Variants in MALRD1 observed in about 807,000 individuals in gnomAD.
The protein encoded by MALRD1 is MAM and LDL receptor class A domain containing 1.
In MALRD1, 247 loss-of-function variants were observed where a neutral mutation model predicts 242.1. The ratio of observed to expected loss-of-function variants is 1.02; its 90% CI spans 0.92 to 1.13. The LOEUF (loss-of-function observed/expected upper bound fraction) is 1.13. MALRD1 is among the 50% of genes most tolerant of loss of function. MALRD1 has a pLI of 0.00. For synonymous variants in MALRD1, 995 were observed against 866.6 expected (o/e 1.15, Z -2.60); for missense variants, 2,989 against 2,533.1 (o/e 1.18, Z -3.86).
rs77789434 is a variant in MALRD1, at chr10:19,438,777, T to C, written c.4846-11530T>C. On this transcript the variant is annotated intron_variant, in intron 28 of 39. Transcript: ENST00000454679. Reference sequence around the variant, plus strand: ...TGGGTTCTCTTGAGTGGTGAGTGACTTTTTTTCTTGTGCCCACCAGACCCC... The same window carrying C: ...TGGGTTCTCTTGAGTGGTGAGTGACCTTTTTTCTTGTGCCCACCAGACCCC... 2.0e-5 allele frequency among the ~76,000 whole-genome samples: 3 copies of C among 152,056 alleles called. No homozygotes were observed. The East Asian group carries it at 5.8e-4, about 29-fold the overall frequency.
chr10:19,710,145 C>T (rs1414848694), intron 38 of MALRD1, among the ~76,000 whole-genome samples: 1 of 152,116 alleles, frequency 6.6e-6, no homozygotes, highest in South Asian at 2.1e-4. Flanking sequence ...GGACTGTGCT[C>T]AGTCATTCCA....
At chr10:19,598,076 G>A (rs1312399393) in intron 34 of MALRD1, among the ~76,000 whole-genome samples, 1 of 152,110 alleles carries the variant, frequency 6.6e-6, no homozygotes, top group Admixed American at 6.6e-5. Context: ...CTATATAACG[G>A]TACTTAACTT....
chr10:19,195,842 C>A (rs1217084652), intron 14 of MALRD1, among the ~76,000 whole-genome samples: 1 of 152,012 alleles, frequency 6.6e-6, no homozygotes, highest in Non-Finnish European at 1.5e-5. Context: ...TCGGTGCTAC[C>A]CAGCAAGCAC....
intron 32 of MALRD1, among the ~76,000 whole-genome samples, chr10:19,531,703 A>T (rs1474932885): frequency 6.6e-6 from 1 of 152,208 alleles, no homozygotes; most frequent in Non-Finnish European, 1.5e-5. Context: ...GGTGAGGAAG[A>T]TAATTTTCTA....
At chr10:19,444,387 C>T (rs1009649089) in intron 28 of MALRD1, among the ~76,000 whole-genome samples, 14 of 152,146 alleles carry the variant, frequency 9.2e-5, no homozygotes, top group South Asian at 2.1e-4. Flanking sequence ...TTAGTTGATG[C>T]AGTTTCTTCC....
intron 21 of MALRD1, among the ~76,000 whole-genome samples, chr10:19,302,218 A>C (rs555080297): frequency 6.6e-6 from 1 of 151,844 alleles, no homozygotes; most frequent in Non-Finnish European, 1.5e-5. Flanking sequence ...TTTCTTAAAA[A>C]GTCAAACAGA....
chr10:19,138,440 G>GTTTT (rs1462452348), intron 10 of MALRD1, among the ~76,000 whole-genome samples: 1 of 141,634 alleles, frequency 7.1e-6, no homozygotes. Context: ...TTTTTTTTGG[G>GTTTT]GACAGAGTCT....
intron 11 of MALRD1, among the ~76,000 whole-genome samples, chr10:19,148,788 A>AAAAAAAATATATAT (rs1206724666): frequency 1.1e-5 from 1 of 88,016 alleles, no homozygotes; most frequent in Non-Finnish European, 2.5e-5. Context: ...AAAAAAAAAA[A>AAAAAAAATATATAT]ATATATATAT....
At chr10:19,162,575 A>T (rs1398064133) in intron 12 of MALRD1, among the ~76,000 whole-genome samples, 1 of 152,212 alleles carries the variant, frequency 6.6e-6, no homozygotes, top group Non-Finnish European at 1.5e-5. Flanking sequence ...ATAACTTAAA[A>T]TTGATCATTA....
intron 29 of MALRD1, among the ~76,000 whole-genome samples, chr10:19,485,834 G>A (rs940347711): frequency 5.3e-5 from 8 of 151,848 alleles, no homozygotes; most frequent in Non-Finnish European, 4.4e-5. Flanking sequence ...GCTAAACATA[G>A]TTTTGTTTAA....
chr10:19,252,586 A>G (rs1839341547), intron 18 of MALRD1, among the ~76,000 whole-genome samples: 1 of 152,036 alleles, frequency 6.6e-6, no homozygotes, highest in African/African-American at 2.4e-5. Context: ...TTTTTTTGTC[A>G]GTAATCATCT....
intron 36 of MALRD1, among the ~76,000 whole-genome samples, chr10:19,650,751 C>T (rs1193288689): frequency 2.0e-5 from 3 of 152,146 alleles, no homozygotes; most frequent in African/African-American, 4.8e-5. Flanking sequence ...CATTTTAATA[C>T]GTCTTAACAT....
rs529479989 is a variant in MALRD1 at position 19,307,252 on chromosome 10, G to A, written c.3420-16697G>A. Among the ~76,000 whole-genome samples the A allele has an allele frequency of 2.0e-5, 3 of 151,474 alleles. No homozygotes were observed. The East Asian group carries it at 5.9e-4, about 30-fold the overall frequency. ...TCAAACTCTCTCACCTGAACCGAAGGATTTTCATCTGTATTCCATTAATTT... is the reference window on the plus strand; with the variant it reads ...TCAAACTCTCTCACCTGAACCGAAGAATTTTCATCTGTATTCCATTAATTT... On this transcript the variant is annotated intron_variant, in intron 21 of 39. Coordinates refer to ENST00000454679, the MANE Select transcript of MALRD1 (RefSeq NM_001142308.3).
intron 28 of MALRD1, among the ~76,000 whole-genome samples, chr10:19,409,912 A>G (rs1400329551): frequency 6.6e-6 from 1 of 152,178 alleles, no homozygotes; most frequent in African/African-American, 2.4e-5. Context: ...TAGTTGAAAA[A>G]TAATATGCAT....
chr10:19,389,703 A>G lies in MALRD1; in HGVS notation c.4845+94A>G, dbSNP rs181536964. On this transcript the variant is annotated intron_variant, in intron 28 of 39. Coordinates refer to ENST00000454679, the MANE Select transcript of MALRD1 (RefSeq NM_001142308.3). ...CACTCAGGCTGCAGTGCAGTGGTGC[A>G]GTCATGGCTTACTGCAGCCTCCAAC... is the stretch of plus-strand genomic sequence containing the variant. 4,850 of 1,330,392 alleles carry G rather than the reference A, an allele frequency of 3.6e-3. 14 individuals are homozygous for G. Among genetic ancestry groups the G allele is most frequent in the Non-Finnish European group, 4.6e-3 (4,515 of 990,924 alleles). 82.4% of individuals were successfully genotyped at this position (1,330,392 alleles called of 1,614,324 possible). A position where few individuals can be genotyped will look rare whatever the true frequency, so the allele number is the denominator to read the frequency against.
At chr10:19,349,168 C>T (rs1844259073) in intron 25 of MALRD1, among the ~76,000 whole-genome samples, 1 of 152,118 alleles carries the variant, frequency 6.6e-6, no homozygotes, top group African/African-American at 2.4e-5. Flanking sequence ...ACTATGTTGC[C>T]CAGGCTGGTC....
intron 21 of MALRD1, among the ~76,000 whole-genome samples, chr10:19,313,705 A>C (rs551364608): frequency 8.6e-5 from 13 of 151,730 alleles, no homozygotes; most frequent in South Asian, 2.1e-4. Flanking sequence ...ATTTGAAATT[A>C]GGTCTTAAAT....
chr10:19,136,138 G>C (rs968087245), intron 9 of MALRD1, among the ~76,000 whole-genome samples: 1 of 152,132 alleles, frequency 6.6e-6, no homozygotes. Context: ...AAATAAGTCA[G>C]ATGCAGTTAC....
At position 19,124,564 on chromosome 10, in the gene MALRD1, G is replaced by C; in HGVS notation, c.837G>C (p.Trp279Cys). Reference sequence around the variant, plus strand: ...GGTTTGAATTTGACATGTGTGAGTGGACGTCAGAAGCATCTGCTGGCCAAA... The same window carrying C: ...GGTTTGAATTTGACATGTGTGAGTGCACGTCAGAAGCATCTGCTGGCCAAA... The part of the protein sequence containing the change: ...ACGFEFDMCE[W>C]TSEASAGQIS... Residue 279 changes from tryptophan (W) to cysteine (C), a missense_variant, in exon 7 of 40, where the codon TGG (tryptophan) becomes TGC (cysteine). Trp to Cys is a radical substitution (Grantham distance 215). Transcript: ENST00000454679. The C allele has an allele frequency of 2.4e-6, 3 of 1,233,798 alleles. No homozygotes were observed. The highest frequency in any genetic ancestry group is 3.0e-6 in the Non-Finnish European group (3 of 988,108). 76.4% of individuals were successfully genotyped at this position (1,233,798 alleles called of 1,614,324 possible).
Sources: allele counts gnomAD v4.1 joint callset (sites outside exome capture counted in the v4.1 genomes callset), GRCh38; gene constraint gnomAD v4.1.1; transcripts MANE v1.5; gene names NCBI Gene and HGNC (gene_info 2026-07-23, HGNC 2026-07-21).